The following KAZN variants were observed in gnomAD, a reference collection of about 807,000 sequenced individuals.
KAZN encodes the protein kazrin, periplakin interacting protein.
KAZN carries 40 observed loss-of-function variants against 87.4 expected under a neutral mutation model. The observed-to-expected ratio is 0.46, with a 90% CI of 0.36 to 0.60. The LOEUF is 0.60. Among genes scored for constraint, KAZN ranks in the 20% least tolerant of loss-of-function variants. KAZN has a pLI of 0.00. For synonymous variants in KAZN, 466 were observed against 458.3 expected (o/e 1.02, Z -0.22); for missense variants, 898 against 1,073.9 (o/e 0.84, Z 2.29).
chr1:13,982,780 C>T (rs984399402), intron 1 of KAZN, among the ~76,000 whole-genome samples: 1 of 151,850 alleles, frequency 6.6e-6, no homozygotes, highest in Non-Finnish European at 1.5e-5. Context: ...ACAGAGTGTC[C>T]ACTGGTGCAC....
At chr1:14,414,887 A>G (rs1275710406) in intron 2 of KAZN, among the ~76,000 whole-genome samples, 2 of 152,146 alleles carry the variant, frequency 1.3e-5, no homozygotes, top group African/African-American at 4.8e-5. Flanking sequence ...TTAGCCAGGT[A>G]TGGTGGTGCA....
chr1:14,990,383 C>T (rs1359790597), intron 2 of KAZN, among the ~76,000 whole-genome samples: 1 of 152,092 alleles, frequency 6.6e-6, no homozygotes, highest in East Asian at 1.9e-4. Flanking sequence ...CCACCATGCC[C>T]AGCTAATTTT....
intron 1 of KAZN, among the ~76,000 whole-genome samples, chr1:14,081,521 T>A (rs1156510164): frequency 6.6e-6 from 1 of 152,084 alleles, no homozygotes; most frequent in Non-Finnish European, 1.5e-5. Flanking sequence ...CATTTTCAAG[T>A]GGTTTGCAAT....
At chr1:14,407,791 A>G (rs910344450) in intron 2 of KAZN, among the ~76,000 whole-genome samples, 2 of 152,196 alleles carry the variant, frequency 1.3e-5, no homozygotes, top group Non-Finnish European at 2.9e-5. Flanking sequence ...TATGCACTTG[A>G]ATGATTACTG....
intron 4 of KAZN, among the ~76,000 whole-genome samples, chr1:15,054,743 A>T (rs1042416607): frequency 2.0e-4 from 31 of 152,358 alleles, no homozygotes; most frequent in Non-Finnish European, 3.8e-4. Context: ...ATTTGAGATC[A>T]CTTCTAATAA....
intron 2 of KAZN, among the ~76,000 whole-genome samples, chr1:14,507,532 G>A (rs571805270): frequency 2.0e-5 from 3 of 152,190 alleles, no homozygotes; most frequent in African/African-American, 7.2e-5. Context: ...CAGTGCATCC[G>A]CCAGGGATCA....
In KAZN at chr1:14,129,899, G is replaced by A. The variant is rs546421586; in HGVS notation, c.92-50536G>A. Among the ~76,000 whole-genome samples, 11 of 152,272 alleles carry A rather than the reference G, an allele frequency of 7.2e-5. No homozygotes were observed. In the East Asian group the frequency reaches 1.7e-3, roughly 24 times the overall value. On this transcript the variant is annotated intron_variant, in intron 1 of 16. Coordinates refer to the KAZN transcript ENST00000636203. ...TTCTGCTGCCTGATGGATGAAACTC[G>A]TTTGATCACAAGAGTAAATTAAAAG...
At chr1:14,335,110 C>CT (rs994220903) in intron 2 of KAZN, among the ~76,000 whole-genome samples, 1 of 147,014 alleles carries the variant, frequency 6.8e-6, no homozygotes, top group Non-Finnish European at 1.5e-5. Context: ...CTCGGTGCCC[C>CT]CCCCCCACCA....
intron 2 of KAZN, among the ~76,000 whole-genome samples, chr1:14,398,256 T>A (rs1023322803): frequency 6.6e-6 from 1 of 152,252 alleles, no homozygotes; most frequent in Admixed American, 6.5e-5. Context: ...CATACTCTTT[T>A]CCTACAAACG....
intron 2 of KAZN, among the ~76,000 whole-genome samples, chr1:14,494,238 T>C (rs1229606618): frequency 2.6e-5 from 4 of 152,182 alleles, no homozygotes; most frequent in Non-Finnish European, 5.9e-5. Context: ...TAGGCAATTA[T>C]ACAGGTAATT....
chr1:13,999,489 A>T (rs1164940979), intron 1 of KAZN, among the ~76,000 whole-genome samples: 1 of 152,258 alleles, frequency 6.6e-6, no homozygotes, highest in Non-Finnish European at 1.5e-5. Flanking sequence ...GCAGAAATCA[A>T]GAAGTTATTT....
chr1:14,247,045 G>A (rs532827126), intron 2 of KAZN, among the ~76,000 whole-genome samples: 94 of 152,118 alleles, frequency 6.2e-4, no homozygotes, highest in African/African-American at 2.1e-3. Flanking sequence ...GCCAAGGCAC[G>A]TTATTGTCTG....
At chr1:14,452,306 C>G (rs1410178758) in intron 2 of KAZN, among the ~76,000 whole-genome samples, 1 of 152,186 alleles carries the variant, frequency 6.6e-6, no homozygotes, top group Non-Finnish European at 1.5e-5. Context: ...TTGAAAAGCA[C>G]TCTCTGAACT....
intron 1 of KAZN, among the ~76,000 whole-genome samples, chr1:14,921,510 C>CA (rs756244135): frequency 1.1e-4 from 16 of 151,806 alleles, no homozygotes; most frequent in Non-Finnish European, 1.8e-4. Flanking sequence ...TCTAAACAAA[C>CA]AAAAAAAAGT....
chr1:14,439,840 G>T (rs1178411664), intron 2 of KAZN, among the ~76,000 whole-genome samples: 1 of 152,070 alleles, frequency 6.6e-6, no homozygotes, highest in African/African-American at 2.4e-5. Context: ...CTCACTGTTT[G>T]TTCCTCAAAA....
intron 1 of KAZN, among the ~76,000 whole-genome samples, chr1:14,021,073 C>A (rs1056955689): frequency 2.0e-5 from 3 of 152,186 alleles, no homozygotes; most frequent in Admixed American, 2.0e-4. Context: ...CCATTTTAAC[C>A]TCAACACTAC....
chr1:14,495,940 A>G (rs1196421798), intron 2 of KAZN, among the ~76,000 whole-genome samples: 1 of 152,314 alleles, frequency 6.6e-6, no homozygotes, highest in South Asian at 2.1e-4. Context: ...TGGGTCTTTA[A>G]GAGTGAAATA....
intron 1 of KAZN, among the ~76,000 whole-genome samples, chr1:14,158,642 G>T (rs1168357172): frequency 6.6e-6 from 1 of 152,052 alleles, no homozygotes; most frequent in Non-Finnish European, 1.5e-5. Context: ...TATTTTCCTG[G>T]ATGCTGTTGT....
At chr1:14,499,415 G>A (rs1296042413) in intron 2 of KAZN, among the ~76,000 whole-genome samples, 2 of 152,190 alleles carry the variant, frequency 1.3e-5, no homozygotes, top group East Asian at 1.9e-4. Context: ...CCATGGGATC[G>A]ATTCCTCCTA....
Sources: gnomAD v4.1 joint callset for allele counts (sites outside exome capture counted in the v4.1 genomes callset) on GRCh38, gnomAD v4.1.1 for gene constraint, MANE v1.5 for transcripts, NCBI Gene and HGNC (gene_info 2026-07-23, HGNC 2026-07-21) for gene names.